PDE1C: variants seen among roughly 807,000 people sequenced by gnomAD.
The protein encoded by PDE1C is phosphodiesterase 1C, also known as dual specificity calcium/calmodulin-dependent 3',5'-cyclic nucleotide phosphodiesterase 1C.
A neutral mutation model predicts 93.1 loss-of-function variants in PDE1C; 62 were observed. That is an observed-to-expected ratio of 0.67 (90% confidence interval 0.54 to 0.82). The LOEUF is 0.82. Among genes scored for constraint, PDE1C ranks in the 40% least tolerant of loss-of-function variants. The pLI is 0.00. For missense variants in PDE1C, 742 were observed against 884.6 expected (o/e 0.84, Z 2.04); for synonymous variants, 325 against 310.1 (o/e 1.05, Z -0.50).
chr7:32,427,057 C>G (rs1785547825), intron 1 of PDE1C, among the ~76,000 whole-genome samples: 1 of 152,126 alleles, frequency 6.6e-6, no homozygotes, highest in Admixed American at 6.5e-5. Context: ...GGATCTGCCC[C>G]GACGAAATGG....
At chr7:32,308,829 A>C (rs1183030092) in intron 1 of PDE1C, among the ~76,000 whole-genome samples, 1 of 151,980 alleles carries the variant, frequency 6.6e-6, no homozygotes, top group Non-Finnish European at 1.5e-5. Flanking sequence ...GGAAACTCTA[A>C]AAAGCAGAGT....
intron 2 of PDE1C, among the ~76,000 whole-genome samples, chr7:31,989,527 T>C (rs1783895854): frequency 6.6e-6 from 1 of 152,166 alleles, no homozygotes. Flanking sequence ...CCATTTGGCG[T>C]ATATATATGC....
Position 31,837,862 on chromosome 7 carries a change from A to C in PDE1C, c.1082+8T>G. 1.9e-6 allele frequency: 3 copies of C among 1,594,552 alleles called. No individual in the cohort carries two copies. Among genetic ancestry groups the C allele is most frequent in the Non-Finnish European group, 2.6e-6 (3 of 1,162,226 alleles). On this transcript the variant is annotated splice_region_variant and intron_variant, in intron 10 of 17. Coordinates refer to ENST00000396191, the MANE Select transcript of PDE1C (RefSeq NM_001191057.4). The stretch of plus-strand genomic sequence containing the variant: ...ACAAACAAAAACACAAGCCACAAGC[A>C]CACTTACGCTTCTGGCTGCTGCAGA...
At chr7:32,184,521 C>T (rs1479925404) in intron 2 of PDE1C, among the ~76,000 whole-genome samples, 11 of 152,104 alleles carry the variant, frequency 7.2e-5, no homozygotes, top group Non-Finnish European at 1.6e-4. Context: ...AAGCTGGAAA[C>T]CATCATTCTC....
chr7:31,878,241 T>C (rs1219047003), intron 4 of PDE1C, among the ~76,000 whole-genome samples: 1 of 152,078 alleles, frequency 6.6e-6, no homozygotes, highest in Non-Finnish European at 1.5e-5. Context: ...CCCAAACATA[T>C]GAACCATGGG....
chr7:32,321,903 T>G (rs1783298913), intron 1 of PDE1C, among the ~76,000 whole-genome samples: 1 of 152,244 alleles, frequency 6.6e-6, no homozygotes, highest in Admixed American at 6.5e-5. Context: ...TACCTCTGTT[T>G]GCACTTTTGC....
chr7:32,272,286 GCTGGC>G (rs1295427499), intron 1 of PDE1C, among the ~76,000 whole-genome samples: 3 of 152,248 alleles, frequency 2.0e-5, no homozygotes, highest in Non-Finnish European at 4.4e-5. Flanking sequence ...GGGAAATGCA[GCTGGC>G]CTAAGAAATG....
intron 1 of PDE1C, among the ~76,000 whole-genome samples, chr7:32,061,364 G>A (rs1303097794): frequency 6.6e-6 from 1 of 152,260 alleles, no homozygotes; most frequent in African/African-American, 2.4e-5. Context: ...ATGGGCAGAG[G>A]TGGTACAGTG....
intron 1 of PDE1C, among the ~76,000 whole-genome samples, chr7:32,371,809 CT>C (rs997294825): frequency 6.6e-6 from 1 of 152,062 alleles, no homozygotes; most frequent in East Asian, 1.9e-4. Flanking sequence ...TCTTAGATAT[CT>C]TTTTTGCAGA....
At chr7:32,273,710 C>T (rs1811114828) in intron 1 of PDE1C, among the ~76,000 whole-genome samples, 1 of 152,104 alleles carries the variant, frequency 6.6e-6, no homozygotes, top group Non-Finnish European at 1.5e-5. Context: ...GTGGGGGTAC[C>T]GCAGCTATAG....
intron 2 of PDE1C, among the ~76,000 whole-genome samples, chr7:32,193,626 T>G (rs1804388120): frequency 6.6e-6 from 1 of 152,168 alleles, no homozygotes. Context: ...TTGTACTGTC[T>G]TTCTCAGTTT....
intron 2 of PDE1C, among the ~76,000 whole-genome samples, chr7:31,964,335 A>G (rs1189544883): frequency 6.6e-6 from 1 of 152,222 alleles, no homozygotes. Flanking sequence ...GGAGGGTCCT[A>G]TGCCCACGGA....
At chr7:31,743,616 T>C in the PDE1C span, among the ~76,000 whole-genome samples, 1 of 151,674 alleles carries the variant, frequency 6.6e-6, no homozygotes, top group African/African-American at 2.4e-5. Context: ...TGCAAAAAAG[T>C]AAAATAAAAC....
At chr7:32,165,228 T>C (rs1802160867) in intron 3 of PDE1C, among the ~76,000 whole-genome samples, 1 of 152,214 alleles carries the variant, frequency 6.6e-6, no homozygotes, top group African/African-American at 2.4e-5. Flanking sequence ...CAGTGAGTGC[T>C]GAGCACGAAT....
the PDE1C span, among the ~76,000 whole-genome samples, chr7:31,631,292 GCA>G: frequency 6.6e-6 from 1 of 152,100 alleles, no homozygotes; most frequent in Non-Finnish European, 1.5e-5. Context: ...ATGCGTGCGT[GCA>G]CACACAGACA....
the PDE1C span, chr7:31,707,272 A>T: frequency 1.2e-6 from 2 of 1,613,710 alleles, no homozygotes; most frequent in Admixed American, 3.3e-5. Context: ...TGGTGACAAG[A>T]TAGCTATTTA....
At position 31,878,951 on chromosome 7, in the gene PDE1C, C is replaced by T. The variant is rs534953297; in HGVS notation, c.425+45G>A. On this transcript the variant is annotated intron_variant, in intron 4 of 17. Transcript: ENST00000396191. ...GCTTCCAGTTATTGGAAACGTGTTGCTTTGGCTGCTTTAGTCACTAAATGA... is the reference window on the plus strand; with the variant it reads ...GCTTCCAGTTATTGGAAACGTGTTGTTTTGGCTGCTTTAGTCACTAAATGA... The T allele has an allele frequency of 6.1e-5, 95 of 1,565,686 alleles. No individual in the cohort carries two copies. In the Middle Eastern group the frequency reaches 2.4e-3, roughly 39 times the overall value.
chr7:32,090,938 GC>G lies in PDE1C; in HGVS notation c.308+78846del, dbSNP rs1157154886. On this transcript the variant is annotated intron_variant, in intron 3 of 18. Coordinates refer to the PDE1C transcript ENST00000396193. ...AAGAAAATGGCATAAACTAAAAGGG[GC>G]CAGATAACTAACAGAGATATATTCA... Among the ~76,000 whole-genome samples, 5 of 152,264 alleles carry G rather than the reference GC, an allele frequency of 3.3e-5. No individual in the cohort carries two copies. In the East Asian group the frequency reaches 9.6e-4, roughly 29 times the overall value.
intron 1 of PDE1C, among the ~76,000 whole-genome samples, chr7:32,346,877 A>C (rs1783863690): frequency 6.6e-6 from 1 of 152,206 alleles, no homozygotes. Flanking sequence ...TCTCTAGAAC[A>C]GGGAAAACTA....
Sources: gnomAD v4.1 joint callset for allele counts (sites outside exome capture counted in the v4.1 genomes callset) on GRCh38, gnomAD v4.1.1 for gene constraint, MANE v1.5 for transcripts, NCBI Gene and HGNC (gene_info 2026-07-23, HGNC 2026-07-21) for gene names.